The following PACS2 variants were observed in gnomAD, a reference collection of about 807,000 sequenced individuals.
PACS2 encodes the protein PACS1-like protein.
PACS2 carries 36 observed loss-of-function variants against 113.0 expected under a neutral mutation model. The ratio of observed to expected loss-of-function variants is 0.32; its 90% CI spans 0.24 to 0.42. The LOEUF (loss-of-function observed/expected upper bound fraction) is 0.42. PACS2 is among the 10% of genes least tolerant of loss of function. The probability of loss-of-function intolerance (pLI) is 1.00; values close to 1 mark genes in which losing one functional copy is unlikely to be tolerated. For missense variants in PACS2, 1,015 were observed against 1,239.5 expected, an observed-to-expected ratio of 0.82 and a Z score of 2.72; for synonymous variants, 589 against 536.1, an observed-to-expected ratio of 1.10 and a Z score of -1.36.
intron 17 of PACS2, 125 bp from the exon 18 acceptor site, chr14:105,384,754 C>G: frequency 5.8e-6 from 4 of 683,762 alleles, no homozygotes; most frequent in Non-Finnish European, 5.3e-6. Flanking sequence ...CAGCTGCAAC[C>G]AGCGAGCCCT....
chr14:105,370,173 G>GT (rs1214763288), intron 8 of PACS2: 13,674 of 287,526 alleles, frequency 0.048, 2 homozygotes, highest in Middle Eastern at 0.072. Context: ...TAGTTTGTGT[G>GT]TTTTTTTTTT....
chr14:105,352,082 G>A lies in PACS2; in HGVS notation c.208-296G>A, dbSNP rs147624651. Reference sequence around the variant, plus strand: ...CAGTCAGGTGCTGCTGCACCTGGCCGTGGAATCTGTTTTGTGATCGCGTTA... The same window carrying A: ...CAGTCAGGTGCTGCTGCACCTGGCCATGGAATCTGTTTTGTGATCGCGTTA... On this transcript the variant is annotated intron_variant, in intron 2 of 24. Transcript: ENST00000447393. Among the ~76,000 whole-genome samples, 644 of 152,322 alleles carry A rather than the reference G, an allele frequency of 4.2e-3. 8 individuals are homozygous for A. Among genetic ancestry groups the A allele is most frequent in the South Asian group, 0.025 (123 of 4,826 alleles).
chr14:105,361,948 T>TCAAA (rs199756742), intron 4 of PACS2, among the ~76,000 whole-genome samples: 8 of 150,646 alleles, frequency 5.3e-5, no homozygotes, highest in African/African-American at 2.0e-4. Context: ...AGACTTCATC[T>TCAAA]CAAACAAACA....
chr14:105,328,503 G>A lies in PACS2; in HGVS notation c.119+13466G>A, dbSNP rs150987278. 4.1e-3 allele frequency among the ~76,000 whole-genome samples: 623 copies of A among 152,330 alleles called. 16 individuals carry two copies. The highest frequency in any genetic ancestry group is 0.033 in the East Asian group (172 of 5,184). Reference sequence around the variant, plus strand: ...GTGTGAATGGCCATAGAGAACAGGGGCCCAGAGGCTGCTCTCGAGGACACT... The same window carrying A: ...GTGTGAATGGCCATAGAGAACAGGGACCCAGAGGCTGCTCTCGAGGACACT... On this transcript the variant is annotated intron_variant, in intron 1 of 24. Transcript: ENST00000447393.
intron 6 of PACS2, 119 bp downstream of exon 6, chr14:105,368,266 C>A: frequency 1.2e-6 from 1 of 852,546 alleles, no homozygotes; most frequent in African/African-American, 1.7e-5. Flanking sequence ...ACGGGCCTGG[C>A]CCCTGGTTGG....
intron 1 of PACS2, among the ~76,000 whole-genome samples, chr14:105,301,563 C>A (rs1264683596): frequency 6.6e-6 from 1 of 152,182 alleles, no homozygotes; most frequent in Non-Finnish European, 1.5e-5. Flanking sequence ...TGGAGACACC[C>A]GCCAGGGGCC....
intron 1 of PACS2, among the ~76,000 whole-genome samples, chr14:105,342,767 C>G (rs1259328827): frequency 6.6e-6 from 1 of 151,598 alleles, no homozygotes; most frequent in Non-Finnish European, 1.5e-5. Context: ...AACCCCATCT[C>G]TAGTAAAAAT....
chr14:105,335,201 C>A (rs1368132342), intron 1 of PACS2, among the ~76,000 whole-genome samples: 1 of 152,266 alleles, frequency 6.6e-6, no homozygotes, highest in Non-Finnish European at 1.5e-5. Flanking sequence ...GTGTTTGCAG[C>A]ATTGTTCTCA....
intron 24 of PACS2, chr14:105,393,558 A>G (rs2081435513): frequency 2.2e-6 from 1 of 456,282 alleles, no homozygotes; most frequent in Non-Finnish European, 3.8e-6. Flanking sequence ...AAAAATAATG[A>G]CTTGTTTCGT....
At chr14:105,361,031 C>T (rs782016210) in intron 4 of PACS2, among the ~76,000 whole-genome samples, 6 of 152,252 alleles carry the variant, frequency 3.9e-5, no homozygotes, top group African/African-American at 1.4e-4. Flanking sequence ...TGCTTCTAAT[C>T]CCAGTCCTCT....
intron 1 of PACS2, among the ~76,000 whole-genome samples, chr14:105,346,468 A>T (rs1467678277): frequency 1.2e-5 from 1 of 85,518 alleles, no homozygotes; most frequent in African/African-American, 4.6e-5. Context: ...CGGCTCCCCC[A>T]CCCCCGCCCA....
chr14:105,396,565 A>C lies in PACS2; in HGVS notation c.*1893A>C, dbSNP rs1315445109. ...GCCCAGGCTGGAGTGCAGTGGCATG[A>C]TCTCAGCTCACTGCAGCCTCCGTCT... On this transcript the variant is annotated 3_prime_UTR_variant, in exon 25 of 25. Coordinates refer to ENST00000447393, the MANE Select transcript of PACS2 (RefSeq NM_001100913.3). The C allele has an allele frequency of 7.5e-6, 1 of 134,038 alleles. No individual in the cohort carries two copies. Among genetic ancestry groups the C allele is most frequent in the Non-Finnish European group, 1.5e-5 (1 of 66,032 alleles). 8.3% of individuals were successfully genotyped at this position (134,038 alleles called of 1,614,324 possible).
intron 4 of PACS2, among the ~76,000 whole-genome samples, chr14:105,364,173 G>C (rs1009584885): frequency 6.6e-6 from 1 of 152,234 alleles, no homozygotes; most frequent in East Asian, 1.9e-4. Flanking sequence ...GAAAAGTGGC[G>C]CTGATAGACT....
intron 4 of PACS2, among the ~76,000 whole-genome samples, chr14:105,364,373 C>CGGT (rs1479306600): frequency 3.0e-5 from 4 of 133,446 alleles, no homozygotes; most frequent in African/African-American, 6.1e-5. Flanking sequence ...GCACGGTGGG[C>CGGT]GTCCCGGGTG....
intron 18 of PACS2, among the ~76,000 whole-genome samples, chr14:105,385,401 T>C (rs986677854): frequency 2.3e-4 from 35 of 152,206 alleles, no homozygotes; most frequent in African/African-American, 8.4e-4. Context: ...TGTCCTCACC[T>C]GCCCAGAGCA....
At chr14:105,383,564 G>A in intron 16 of PACS2, 51 bp downstream of exon 16, 2 of 1,525,638 alleles carry the variant, frequency 1.3e-6, no homozygotes, top group Non-Finnish European at 1.8e-6. Flanking sequence ...CACGGGCAGT[G>A]TGGCGTGGCA....
chr14:105,380,861 C>CTA, intron 11 of PACS2, 96 bp from the exon 12 acceptor site: 1 of 1,293,042 alleles, frequency 7.7e-7, no homozygotes, highest in Non-Finnish European at 1.1e-6. Context: ...CTAGAGAGGC[C>CTA]TAAACCCTCA....
At chr14:105,318,973 T>G (rs921084651) in intron 1 of PACS2, among the ~76,000 whole-genome samples, 2 of 144,324 alleles carry the variant, frequency 1.4e-5, no homozygotes, top group South Asian at 4.4e-4. Flanking sequence ...TTTATTTTTT[T>G]GAGAAGCTCT....
intron 8 of PACS2, chr14:105,370,390 A>C (rs2061107587): frequency 6.7e-6 from 1 of 149,322 alleles, no homozygotes; most frequent in Non-Finnish European, 1.5e-5. Context: ...TGAATTTTCT[A>C]CAATGAGCTT....
Sources: allele counts gnomAD v4.1 joint callset (sites outside exome capture counted in the v4.1 genomes callset), GRCh38; gene constraint gnomAD v4.1.1; transcripts MANE v1.5; gene names NCBI Gene and HGNC (gene_info 2026-07-23, HGNC 2026-07-21).